UBE2G1: variants seen among roughly 807,000 people sequenced by gnomAD.
UBE2G1 encodes ubiquitin conjugating enzyme E2 G1.
UBE2G1 carries 5 observed loss-of-function variants against 22.7 expected under a neutral mutation model. The ratio of observed to expected loss-of-function variants is 0.22; its 90% CI spans 0.12 to 0.46. UBE2G1 has a LOEUF of 0.46. Among genes scored for constraint, UBE2G1 ranks in the 20% least tolerant of loss-of-function variants. UBE2G1 has a pLI of 0.99. For synonymous variants in UBE2G1, 74 were observed against 67.5 expected (o/e 1.10, Z -0.47); for missense variants, 88 against 203.9 (o/e 0.43, Z 3.46).
At chr17:4,297,113 C>T (rs1000915933) in intron 2 of UBE2G1, among the ~76,000 whole-genome samples, 1 of 152,182 alleles carries the variant, frequency 6.6e-6, no homozygotes, top group Non-Finnish European at 1.5e-5. Context: ...CCATCACTTC[C>T]CAGTGCACTT....
At chr17:4,309,405 A>G (rs1372701393) in intron 1 of UBE2G1, among the ~76,000 whole-genome samples, 1 of 152,272 alleles carries the variant, frequency 6.6e-6, no homozygotes, top group Non-Finnish European at 1.5e-5. Flanking sequence ...ATTTCAAAAC[A>G]CAAGAAATGT....
intron 5 of UBE2G1, among the ~76,000 whole-genome samples, chr17:4,276,852 C>T (rs1449742462): frequency 1.3e-5 from 2 of 152,162 alleles, no homozygotes; most frequent in African/African-American, 4.8e-5. Context: ...GAAACAAAGG[C>T]CTCAGTCAAT....
At chr17:4,343,159 G>T (rs1567527996) in intron 1 of UBE2G1, among the ~76,000 whole-genome samples, 1 of 152,162 alleles carries the variant, frequency 6.6e-6, no homozygotes, top group African/African-American at 2.4e-5. Flanking sequence ...GTTTACAAAA[G>T]TAGGCACTCA....
At chr17:4,277,744 A>G (rs915232652) in intron 5 of UBE2G1, among the ~76,000 whole-genome samples, 3 of 152,196 alleles carry the variant, frequency 2.0e-5, no homozygotes, top group African/African-American at 7.2e-5. Flanking sequence ...TCAAGTGTTT[A>G]TAGTGAGTTT....
chr17:4,282,569 C>G (rs1968907449), intron 5 of UBE2G1, among the ~76,000 whole-genome samples: 1 of 152,080 alleles, frequency 6.6e-6, no homozygotes, highest in Admixed American at 6.6e-5. Flanking sequence ...AAGAAACAGA[C>G]CAGCATACTA....
chr17:4,359,168 T>C (rs1233649537), intron 1 of UBE2G1, among the ~76,000 whole-genome samples: 1 of 152,158 alleles, frequency 6.6e-6, no homozygotes, highest in African/African-American at 2.4e-5. Context: ...TCTCCTGACA[T>C]AAAGAACTTT....
At chr17:4,315,566 C>G (rs1969356870) in intron 1 of UBE2G1, among the ~76,000 whole-genome samples, 1 of 151,524 alleles carries the variant, frequency 6.6e-6, no homozygotes. Flanking sequence ...CCGTGAAACC[C>G]CGTCTCTACC....
In UBE2G1 at chr17:4,270,069, G is replaced by C. The variant is rs1226290538; in HGVS notation, c.*2485C>G. On this transcript the variant is annotated 3_prime_UTR_variant, in exon 6 of 6. Transcript: ENST00000396981. ...CTGTTTCAGTATGTAACACACTCAGGGCAGGTGGAAAAGCATGTGGAGACG... is the reference window on the plus strand; with the variant it reads ...CTGTTTCAGTATGTAACACACTCAGCGCAGGTGGAAAAGCATGTGGAGACG... The C allele has an allele frequency of 5.9e-5, 9 of 152,592 alleles. No individual in the cohort carries two copies. Among genetic ancestry groups the C allele is most frequent in the Non-Finnish European group, 2.9e-5 (2 of 68,012 alleles). The allele number at this position is 152,592 out of a possible 1,614,324, so 9.5% of individuals were successfully genotyped here. A position where few individuals can be genotyped will look rare whatever the true frequency, so the allele number is the denominator to read the frequency against.
At chr17:4,291,574 T>A (rs1164675693) in intron 3 of UBE2G1, among the ~76,000 whole-genome samples, 1 of 152,184 alleles carries the variant, frequency 6.6e-6, no homozygotes, top group Non-Finnish European at 1.5e-5. Context: ...TTAAAAAAAA[T>A]CAAGTTATCA....
intron 1 of UBE2G1, among the ~76,000 whole-genome samples, chr17:4,325,795 G>A (rs1015965168): frequency 2.0e-5 from 3 of 152,138 alleles, no homozygotes; most frequent in Admixed American, 6.6e-5. Context: ...AACAAAATAA[G>A]AGCCTAGAAA....
At chr17:4,362,163 C>T (rs1466704095) in intron 1 of UBE2G1, among the ~76,000 whole-genome samples, 1 of 152,086 alleles carries the variant, frequency 6.6e-6, no homozygotes, top group Non-Finnish European at 1.5e-5. Context: ...TAAGGCACTG[C>T]AAAACTTGAA....
At chr17:4,315,799 CCT>C (rs1567521853) in intron 1 of UBE2G1, among the ~76,000 whole-genome samples, 1 of 38,144 alleles carries the variant, frequency 2.6e-5, no homozygotes, top group Admixed American at 4.7e-4. Context: ...AAAAGAGGCT[CCT>C]TTTTTTTTTT....
intron 1 of UBE2G1, among the ~76,000 whole-genome samples, chr17:4,335,762 G>A (rs981438225): frequency 2.6e-5 from 4 of 151,948 alleles, no homozygotes; most frequent in African/African-American, 4.8e-5. Flanking sequence ...AACCACCAAC[G>A]GTATCTTAGA....
intron 1 of UBE2G1, among the ~76,000 whole-genome samples, chr17:4,341,800 T>C (rs1478213724): frequency 1.3e-5 from 2 of 152,160 alleles, no homozygotes; most frequent in Non-Finnish European, 2.9e-5. Flanking sequence ...CATCAGTCCT[T>C]ATCTTACCCA....
At chr17:4,286,839 T>A (rs923492082) in intron 4 of UBE2G1, among the ~76,000 whole-genome samples, 2 of 152,148 alleles carry the variant, frequency 1.3e-5, no homozygotes, top group Admixed American at 1.3e-4. Flanking sequence ...GTCAGGAGTT[T>A]GAGACCAGCC....
At chr17:4,343,650 G>A (rs953154392) in intron 1 of UBE2G1, among the ~76,000 whole-genome samples, 2 of 150,856 alleles carry the variant, frequency 1.3e-5, no homozygotes, top group South Asian at 2.1e-4. Context: ...GTGTGGTGGC[G>A]CAATCTCGGC....
In UBE2G1 at chr17:4,366,195, GGGA is replaced by G. The variant is rs1179223133; in HGVS notation, c.46+73_46+75del. On this transcript the variant is annotated intron_variant, in intron 1 of 5. Coordinates refer to ENST00000396981, the MANE Select transcript of UBE2G1 (RefSeq NM_003342.5). ...CCTTCGGCAGTACGGCCGCTGGCCC[GGGA>G]GGAGAAGAGGGACTGGGCTGCGGCT... is the stretch of plus-strand genomic sequence containing the variant. 3.5e-5 allele frequency: 50 copies of G among 1,440,334 alleles called. No individual in the cohort carries two copies. In the Middle Eastern group the frequency reaches 9.5e-4, roughly 27 times the overall value. The allele number at this position is 1,440,334 out of a possible 1,614,324, so 89.2% of individuals were successfully genotyped here.
At position 4,357,794 on chromosome 17, in the gene UBE2G1, G is replaced by C. The variant is rs191714871; in HGVS notation, c.46+8477C>G. On this transcript the variant is annotated intron_variant, in intron 1 of 5. Transcript: ENST00000396981. The stretch of plus-strand genomic sequence containing the variant: ...GCCTGGGCAACAAGAGCGGAACTCT[G>C]TCTCAAAAAAAACAAAAAAAATAGA... Among the ~76,000 whole-genome samples, 406 of 151,638 alleles carry C rather than the reference G, an allele frequency of 2.7e-3. 2 individuals carry two copies. Among genetic ancestry groups the C allele is most frequent in the Admixed American group, 6.1e-3 (92 of 15,190 alleles).
intron 3 of UBE2G1, among the ~76,000 whole-genome samples, chr17:4,294,415 C>CAAAA (rs68047533): frequency 4.4e-4 from 51 of 117,098 alleles, no homozygotes; most frequent in African/African-American, 2.1e-3. Flanking sequence ...GACTCCGTCT[C>CAAAA]AAAAAAAAAA....
Sources: allele counts gnomAD v4.1 joint callset (sites outside exome capture counted in the v4.1 genomes callset), GRCh38; gene constraint gnomAD v4.1.1; transcripts MANE v1.5; gene names NCBI Gene and HGNC (gene_info 2026-07-23, HGNC 2026-07-21).